RNGTT: variants seen among roughly 807,000 people sequenced by gnomAD.
RNGTT encodes the protein RNA guanylyltransferase and 5'-phosphatase, also known as mRNA-capping enzyme.
In RNGTT, 33 loss-of-function variants were observed where a neutral mutation model predicts 79.3. The observed-to-expected ratio is 0.42, with a 90% confidence interval of 0.32 to 0.56. RNGTT has a LOEUF of 0.56. Among genes scored for constraint, RNGTT ranks in the 20% least tolerant of loss-of-function variants. RNGTT has a pLI of 0.17. For synonymous variants in RNGTT, 222 were observed against 235.9 expected, an observed-to-expected ratio of 0.94 and a Z score of 0.54; for missense variants, 497 against 739.1, an observed-to-expected ratio of 0.67 and a Z score of 3.80.
intron 14 of RNGTT, among the ~76,000 whole-genome samples, chr6:88,649,653 C>T (rs546441975): frequency 2.0e-5 from 3 of 151,830 alleles, no homozygotes; most frequent in South Asian, 2.1e-4. Context: ...GCCGAGATCG[C>T]GCCACTGCAC....
rs1432199991 is a variant in RNGTT at position 88,632,542 on chromosome 6, CAG to C, written c.1507-18149_1507-18148del. 8.4e-3 allele frequency among the ~76,000 whole-genome samples: 738 copies of C among 88,024 alleles called. 5 individuals carry two copies. Among genetic ancestry groups the C allele is most frequent in the African/African-American group, 0.035 (694 of 19,984 alleles). 57.7% of individuals were successfully genotyped at this position (88,024 alleles called of 152,430 possible). A position where few individuals can be genotyped will look rare whatever the true frequency, so the allele number is the denominator to read the frequency against. ...AACCAACTACAGACACACAGACACA[CAG>C]ACACACACACACACACACACACACA... is the stretch of plus-strand genomic sequence containing the variant. On this transcript the variant is annotated intron_variant, in intron 14 of 15. Coordinates refer to ENST00000369485, the MANE Select transcript of RNGTT (RefSeq NM_003800.5).
chr6:88,888,980 A>G (rs993381665), intron 8 of RNGTT, among the ~76,000 whole-genome samples: 4 of 152,238 alleles, frequency 2.6e-5, no homozygotes, highest in Non-Finnish European at 5.9e-5. Flanking sequence ...GTGAGCCGAG[A>G]TCGTGCCATT....
Position 88,645,587 on chromosome 6 carries a change from T to C in RNGTT, c.1507-31192A>G, listed in dbSNP as rs150879468. ...AAGAACAAAGCTGGAGGCATCACGC[T>C]ACCTGACTCCAAAGTATACTACAAG... On this transcript the variant is annotated intron_variant, in intron 14 of 15. Transcript: ENST00000369485. Among the ~76,000 whole-genome samples the C allele has an allele frequency of 5.8e-3, 881 of 152,306 alleles. 20 individuals are homozygous for C. The highest frequency in any genetic ancestry group is 0.042 in the East Asian group (216 of 5,194).
chr6:88,651,863 T>C (rs2756383), intron 14 of RNGTT, among the ~76,000 whole-genome samples: 40,562 of 152,026 alleles, frequency 0.27, 9,501 homozygotes, highest in African/African-American at 0.63. Context: ...GAAGAAATTA[T>C]GGATCATCAA....
chr6:88,782,480 A>C (rs879281678), intron 12 of RNGTT, among the ~76,000 whole-genome samples: 2 of 151,826 alleles, frequency 1.3e-5, no homozygotes, highest in Non-Finnish European at 2.9e-5. Context: ...ACTTCTTGAC[A>C]CTGGTCTTGG....
intron 13 of RNGTT, among the ~76,000 whole-genome samples, chr6:88,729,625 ATGT>A (rs1375242832): frequency 6.6e-6 from 1 of 152,176 alleles, no homozygotes; most frequent in South Asian, 2.1e-4. Context: ...TACACTAGAG[ATGT>A]TGTTAAAGAA....
intron 6 of RNGTT, among the ~76,000 whole-genome samples, chr6:88,893,266 GT>G (rs763464622): frequency 2.0e-5 from 3 of 152,142 alleles, no homozygotes. Context: ...TTTTTAGAGA[GT>G]TCAATATTAA....
At chr6:88,759,321 A>C (rs188487812) in intron 13 of RNGTT, among the ~76,000 whole-genome samples, 4 of 152,224 alleles carry the variant, frequency 2.6e-5, no homozygotes, top group Admixed American at 6.5e-5. Context: ...TTCTATGCCT[A>C]TCCTGCATCC....
chr6:88,804,166 G>A (rs1173465462), intron 11 of RNGTT, among the ~76,000 whole-genome samples: 2 of 152,130 alleles, frequency 1.3e-5, no homozygotes, highest in Admixed American at 6.5e-5. Context: ...GGAAACTGAG[G>A]TCATCAGACA....
chr6:88,864,069 G>A (rs1782094020), intron 8 of RNGTT, among the ~76,000 whole-genome samples: 1 of 152,042 alleles, frequency 6.6e-6, no homozygotes, highest in African/African-American at 2.4e-5. Context: ...AGCCCATGTA[G>A]CTATACTACT....
chr6:88,841,186 T>C (rs147570881), intron 11 of RNGTT, among the ~76,000 whole-genome samples: 2 of 152,296 alleles, frequency 1.3e-5, no homozygotes, highest in African/African-American at 2.4e-5. Flanking sequence ...ACCCCCTTAA[T>C]ATCCCTGCTG....
chr6:88,646,031 C>T (rs1773540105), intron 14 of RNGTT, among the ~76,000 whole-genome samples: 2 of 152,180 alleles, frequency 1.3e-5, no homozygotes, highest in Non-Finnish European at 2.9e-5. Context: ...AGAGCTTCTG[C>T]ACAGCAAAAG....
intron 14 of RNGTT, among the ~76,000 whole-genome samples, chr6:88,651,643 A>T (rs1397930743): frequency 6.6e-6 from 1 of 152,064 alleles, no homozygotes; most frequent in African/African-American, 2.4e-5. Flanking sequence ...ATATATCAAT[A>T]TGGTTGTAAC....
chr6:88,790,616 C>T (rs1779376609), intron 12 of RNGTT, among the ~76,000 whole-genome samples: 1 of 150,848 alleles, frequency 6.6e-6, no homozygotes. Flanking sequence ...TTTGTATATC[C>T]TCCAATTTAA....
chr6:88,929,104 A>C (rs1784406891), intron 3 of RNGTT, 31 bp from the exon 4 acceptor site: 2 of 1,590,800 alleles, frequency 1.3e-6, no homozygotes, highest in Admixed American at 1.7e-5. Context: ...TTTTTGAAAA[A>C]AGAGATTACA....
At chr6:88,827,554 C>G (rs1780712641) in intron 11 of RNGTT, among the ~76,000 whole-genome samples, 1 of 152,184 alleles carries the variant, frequency 6.6e-6, no homozygotes. Context: ...TGTTCACTCC[C>G]CTGGAAAGGC....
chr6:88,950,937 C>A (rs1562080194), intron 1 of RNGTT, among the ~76,000 whole-genome samples: 1 of 151,654 alleles, frequency 6.6e-6, no homozygotes, highest in African/African-American at 2.4e-5. Flanking sequence ...TGGCTCACTG[C>A]AATCTCCATC....
intron 11 of RNGTT, 140 bp from the exon 12 acceptor site, chr6:88,801,772 T>C (rs1779791573): frequency 1.8e-6 from 1 of 542,180 alleles, no homozygotes; most frequent in Admixed American, 3.1e-5. Context: ...AAGGGATAGG[T>C]CTAAAGGAAT....
At chr6:88,855,979 A>T (rs1281148082) in intron 8 of RNGTT, among the ~76,000 whole-genome samples, 1 of 152,236 alleles carries the variant, frequency 6.6e-6, no homozygotes, top group Non-Finnish European at 1.5e-5. Context: ...GAAGACACAC[A>T]ACCCATCATG....
Sources: allele counts gnomAD v4.1 joint callset (sites outside exome capture counted in the v4.1 genomes callset), GRCh38; gene constraint gnomAD v4.1.1; transcripts MANE v1.5; gene names NCBI Gene and HGNC (gene_info 2026-07-23, HGNC 2026-07-21).